DCC: variants seen among roughly 807,000 people sequenced by gnomAD.
The protein encoded by DCC is DCC netrin 1 receptor.
DCC carries 58 observed loss-of-function variants against 172.5 expected under a neutral mutation model. That is an observed-to-expected ratio of 0.34 (90% CI 0.27 to 0.42). The LOEUF is 0.42. Among genes scored for constraint, DCC ranks in the 10% least tolerant of loss-of-function variants. The pLI, the probability that DCC is intolerant of heterozygous loss-of-function variation, is 1.00. For missense variants in DCC, 1,740 were observed against 1,791.0 expected, an observed-to-expected ratio of 0.97 and a Z score of 0.51; for synonymous variants, 709 against 644.5, an observed-to-expected ratio of 1.10 and a Z score of -1.52.
intron 9 of DCC, among the ~76,000 whole-genome samples, chr18:53,181,674 T>C (rs936936487): frequency 2.0e-5 from 3 of 152,320 alleles, no homozygotes; most frequent in Admixed American, 2.0e-4. Flanking sequence ...TTTATTATGT[T>C]CCTAACACTG....
intron 5 of DCC, among the ~76,000 whole-genome samples, chr18:52,926,402 A>G (rs1460905253): frequency 2.0e-5 from 3 of 151,870 alleles, no homozygotes; most frequent in African/African-American, 4.8e-5. Flanking sequence ...AGGAATGGGC[A>G]AAAGACTTAA....
chr18:53,193,590 C>A (rs1449036580), intron 9 of DCC, among the ~76,000 whole-genome samples: 1 of 152,068 alleles, frequency 6.6e-6, no homozygotes, highest in African/African-American at 2.4e-5. Flanking sequence ...ATCTCTGATT[C>A]TGGAGGGTAT....
chr18:53,256,548 T>G (rs1430842850), intron 12 of DCC, among the ~76,000 whole-genome samples: 2 of 152,158 alleles, frequency 1.3e-5, no homozygotes. Flanking sequence ...TTCTGAGGGC[T>G]CTGTTCTGTT....
At chr18:53,379,426 C>T (rs1241507737) in intron 15 of DCC, among the ~76,000 whole-genome samples, 2 of 152,220 alleles carry the variant, frequency 1.3e-5, no homozygotes, top group East Asian at 1.9e-4. Context: ...TAATGATGTT[C>T]TCCCCAGCTT....
chr18:53,382,551 C>T, intron 15 of DCC, among the ~76,000 whole-genome samples: 1 of 152,046 alleles, frequency 6.6e-6, no homozygotes, highest in Non-Finnish European at 1.5e-5. Context: ...CATTCATAAG[C>T]TATATCACAT....
chr18:53,287,563 A>G (rs1183375747), intron 12 of DCC, among the ~76,000 whole-genome samples: 1 of 152,158 alleles, frequency 6.6e-6, no homozygotes, highest in Non-Finnish European at 1.5e-5. Flanking sequence ...GAACTGCTAA[A>G]CTATTTTTCA....
intron 2 of DCC, among the ~76,000 whole-genome samples, chr18:52,842,923 C>CT (rs1435809201): frequency 1.9e-4 from 29 of 150,646 alleles, no homozygotes; most frequent in African/African-American, 7.0e-4. Flanking sequence ...ATGAGAAAAA[C>CT]TTGAAGAGAA....
At chr18:53,032,146 A>C (rs1306798043) in intron 5 of DCC, among the ~76,000 whole-genome samples, 1 of 152,262 alleles carries the variant, frequency 6.6e-6, no homozygotes, top group Admixed American at 6.5e-5. Flanking sequence ...TTTTTGAATC[A>C]GTTTATTTTT....
At chr18:52,589,090 C>T (rs1450770136) in intron 1 of DCC, among the ~76,000 whole-genome samples, 1 of 152,138 alleles carries the variant, frequency 6.6e-6, no homozygotes, top group African/African-American at 2.4e-5. Flanking sequence ...TTCAAATGAT[C>T]TAGCTTTAAA....
At chr18:52,703,800 GAA>G (rs34414459) in intron 1 of DCC, among the ~76,000 whole-genome samples, 24 of 147,802 alleles carry the variant, frequency 1.6e-4, no homozygotes, top group Admixed American at 1.2e-3. Context: ...AAGTTAAATG[GAA>G]AAAAAAAAAC....
Position 53,472,146 on chromosome 18 carries a change from G to A in DCC, c.3736+4136G>A, listed in dbSNP as rs577671544. ...TATAATAAGTGCAAAAACTTACATAGCATTTATAATGAATGCCAGCTGTTC... is the reference window on the plus strand; with the variant it reads ...TATAATAAGTGCAAAAACTTACATAACATTTATAATGAATGCCAGCTGTTC... On this transcript the variant is annotated intron_variant, in intron 25 of 28. Coordinates refer to ENST00000442544, the MANE Select transcript of DCC (RefSeq NM_005215.4). Among the ~76,000 whole-genome samples the A allele has an allele frequency of 3.3e-5, 5 of 152,202 alleles. No homozygotes were observed. In the South Asian group the frequency reaches 6.2e-4, roughly 19 times the overall value.
At chr18:53,204,959 G>A (rs1396458528) in intron 9 of DCC, among the ~76,000 whole-genome samples, 1 of 152,054 alleles carries the variant, frequency 6.6e-6, no homozygotes, top group Non-Finnish European at 1.5e-5. Flanking sequence ...TTAGTCACTT[G>A]TACTCCTTTA....
chr18:52,865,742 A>G (rs1226736117), intron 2 of DCC, among the ~76,000 whole-genome samples: 1 of 151,774 alleles, frequency 6.6e-6, no homozygotes, highest in Non-Finnish European at 1.5e-5. Flanking sequence ...TAGATTCTGG[A>G]TATTAGCCCT....
chr18:52,474,206 T>TAGAGAG (rs61277582), intron 1 of DCC, among the ~76,000 whole-genome samples: 1,628 of 100,656 alleles, frequency 0.016, 35 homozygotes, highest in African/African-American at 0.063. Flanking sequence ...GTAACAGACC[T>TAGAGAG]AGAGAGAGAG....
chr18:52,371,425 A>G (rs1985117470), intron 1 of DCC, among the ~76,000 whole-genome samples: 1 of 152,254 alleles, frequency 6.6e-6, no homozygotes, highest in African/African-American at 2.4e-5. Context: ...ATGTTTAAGT[A>G]AGGAAAAACC....
intron 1 of DCC, among the ~76,000 whole-genome samples, chr18:52,747,057 A>G (rs1337566202): frequency 3.3e-5 from 5 of 151,472 alleles, no homozygotes. Flanking sequence ...ACGCTAGCCA[A>G]TAGTTAAATA....
At chr18:53,305,319 T>C (rs1372138285) in intron 12 of DCC, among the ~76,000 whole-genome samples, 1 of 152,238 alleles carries the variant, frequency 6.6e-6, no homozygotes, top group African/African-American at 2.4e-5. Context: ...TAGAATATTT[T>C]ACTGTCATTT....
intron 1 of DCC, among the ~76,000 whole-genome samples, chr18:52,645,740 CAGAG>C (rs2035006423): frequency 6.6e-6 from 1 of 152,164 alleles, no homozygotes; most frequent in Admixed American, 6.5e-5. Context: ...TCAGATGTAG[CAGAG>C]AGTTTGGTGA....
At chr18:52,342,580 A>G (rs1187601214) in intron 1 of DCC, among the ~76,000 whole-genome samples, 1 of 152,128 alleles carries the variant, frequency 6.6e-6, no homozygotes, top group East Asian at 1.9e-4. Context: ...CAGAAGATTG[A>G]CTTGGGCTTT....
Sources: allele counts gnomAD v4.1 joint callset (sites outside exome capture counted in the v4.1 genomes callset), GRCh38; gene constraint gnomAD v4.1.1; transcripts MANE v1.5; gene names NCBI Gene and HGNC (gene_info 2026-07-23, HGNC 2026-07-21).